The following INSL6 variants were observed in gnomAD, a reference collection of about 807,000 sequenced individuals.
INSL6 encodes the protein insulin-like peptide INSL6.
A neutral mutation model predicts 9.4 loss-of-function variants in INSL6; 16 were observed. The ratio of observed to expected loss-of-function variants is 1.70; its 90% CI spans 1.15 to 2.59. INSL6 has a LOEUF of 2.59. INSL6 is among the 30% of genes most tolerant of loss of function. The pLI is 0.00. For synonymous variants in INSL6, 154 were observed against 96.9 expected (o/e 1.59, Z -3.46); for missense variants, 391 against 257.3 (o/e 1.52, Z -3.56).
intron 3 of INSL6, chr9:5,127,944 A>G (rs961966101): frequency 4.3e-6 from 1 of 232,346 alleles, no homozygotes; most frequent in African/African-American, 2.2e-5. Flanking sequence ...TAGAAAATTC[A>G]TAACGTGTAT....
chr9:5,129,867 G>A (rs1433260346), intron 3 of INSL6, among the ~76,000 whole-genome samples: 1 of 152,084 alleles, frequency 6.6e-6, no homozygotes, highest in East Asian at 1.9e-4. Flanking sequence ...AATGCAGACT[G>A]TATACCTAAA....
the INSL6 span, among the ~76,000 whole-genome samples, chr9:5,065,899 G>A: frequency 1.3e-5 from 2 of 152,108 alleles, no homozygotes; most frequent in Admixed American, 6.5e-5. Context: ...TTTAGTCTAT[G>A]CTTAATATTT....
At chr9:5,015,518 AT>A in the INSL6 span, among the ~76,000 whole-genome samples, 2 of 148,088 alleles carry the variant, frequency 1.4e-5, no homozygotes, top group African/African-American at 2.5e-5. Flanking sequence ...TGATCATTGT[AT>A]TCTTTTTCTT....
the INSL6 span, among the ~76,000 whole-genome samples, chr9:5,029,175 T>C: frequency 6.6e-6 from 1 of 152,212 alleles, no homozygotes; most frequent in African/African-American, 2.4e-5. Flanking sequence ...GAGGCCATTG[T>C]AGGATTATTA....
chr9:5,005,462 T>G, the INSL6 span, among the ~76,000 whole-genome samples: 1 of 152,192 alleles, frequency 6.6e-6, no homozygotes, highest in East Asian at 1.9e-4. Flanking sequence ...TTTTTAAATC[T>G]GGTATAATGA....
the INSL6 span, chr9:5,090,648 T>C: frequency 3.3e-6 from 5 of 1,513,302 alleles, no homozygotes; most frequent in Admixed American, 4.4e-5. Context: ...CTAGACGTTT[T>C]CATAGATAAT....
rs545097010 is a variant in INSL6, at chr9:5,163,872, T to C, written c.*41A>G. Reference sequence around the variant, plus strand: ...ACAAAAAAAAATAGAGTTAAATAAATGTATTAAGCTTTTATTAGGTTAGAA... The same window carrying C: ...ACAAAAAAAAATAGAGTTAAATAAACGTATTAAGCTTTTATTAGGTTAGAA... On this transcript the variant is annotated 3_prime_UTR_variant, in exon 2 of 2. Transcript: ENST00000381641. 6 of 1,237,404 alleles carry C rather than the reference T, an allele frequency of 4.8e-6. No individual in the cohort carries two copies. In the South Asian group the frequency reaches 5.2e-5, roughly 11 times the overall value. The allele number at this position is 1,237,404 out of a possible 1,614,324, so 76.7% of individuals were successfully genotyped here.
chr9:5,042,985 A>AG, the INSL6 span, among the ~76,000 whole-genome samples: 1 of 152,082 alleles, frequency 6.6e-6, no homozygotes, highest in African/African-American at 2.4e-5. Context: ...TCAGAAGCTG[A>AG]GGGGGGTGGG....
the INSL6 span, among the ~76,000 whole-genome samples, chr9:5,002,309 A>G: frequency 6.2e-4 from 94 of 151,968 alleles, no homozygotes; most frequent in African/African-American, 2.2e-3. Context: ...CCACTATTTT[A>G]GCTGTATTCC....
At chr9:5,007,747 T>G in the INSL6 span, among the ~76,000 whole-genome samples, 1 of 150,518 alleles carries the variant, frequency 6.6e-6, no homozygotes, top group Admixed American at 6.6e-5. Context: ...TGGAGTGGAG[T>G]CTCACTCTGT....
At chr9:5,113,818 T>C in the INSL6 span, 39 of 174,678 alleles carry the variant, frequency 2.2e-4, no homozygotes, top group Non-Finnish European at 1.3e-4. Context: ...ACACACTCTG[T>C]GGTCCGCAGA....
At chr9:5,098,911 G>A in the INSL6 span, 1 of 152,034 alleles carries the variant, frequency 6.6e-6, no homozygotes, top group Admixed American at 6.6e-5. Flanking sequence ...AGCCAGGATG[G>A]TCTTCATCTC....
At chr9:5,111,118 GA>G in the INSL6 span, 1 of 1,203,640 alleles carries the variant, frequency 8.3e-7, no homozygotes, top group Non-Finnish European at 1.2e-6. Flanking sequence ...CTCCTCCTTT[GA>G]CCCCAGCTGG....
the INSL6 span, chr9:5,098,385 T>A: frequency 1.2e-4 from 19 of 152,204 alleles, no homozygotes; most frequent in African/African-American, 3.4e-4. Flanking sequence ...CTACATCCCC[T>A]ATCATAGAAG....
At chr9:5,131,228 A>G (rs937105566) in intron 3 of INSL6, among the ~76,000 whole-genome samples, 1 of 152,126 alleles carries the variant, frequency 6.6e-6, no homozygotes, top group Non-Finnish European at 1.5e-5. Context: ...TCTGCTTAAT[A>G]ATTTTGTTGA....
the INSL6 span, among the ~76,000 whole-genome samples, chr9:5,008,021 G>T: frequency 4.6e-5 from 7 of 152,062 alleles, no homozygotes; most frequent in East Asian, 1.2e-3. Flanking sequence ...GAGCCACCGC[G>T]CCTGGCCCTA....
chr9:5,024,238 A>C, the INSL6 span, among the ~76,000 whole-genome samples: 1 of 152,200 alleles, frequency 6.6e-6, no homozygotes, highest in Non-Finnish European at 1.5e-5. Flanking sequence ...CCTGGGCGAC[A>C]GAGCGAGACT....
chr9:5,134,124 G>A (rs1404497597), intron 2 of INSL6, among the ~76,000 whole-genome samples: 1 of 152,086 alleles, frequency 6.6e-6, no homozygotes, highest in East Asian at 1.9e-4. Flanking sequence ...ACGAAATAAA[G>A]CAAGAAGACA....
chr9:5,126,035 A>C (rs1823970634), intron 3 of INSL6: 1 of 209,620 alleles, frequency 4.8e-6, no homozygotes, highest in Non-Finnish European at 9.4e-6. Flanking sequence ...AATATGATAA[A>C]AATATGAGTT....
Sources: gnomAD v4.1 joint callset for allele counts (sites outside exome capture counted in the v4.1 genomes callset) on GRCh38, gnomAD v4.1.1 for gene constraint, MANE v1.5 for transcripts, NCBI Gene and HGNC (gene_info 2026-07-23, HGNC 2026-07-21) for gene names.